PCDHGB4: variants seen among roughly 807,000 people sequenced by gnomAD.
PCDHGB4 encodes the protein protocadherin gamma-B4.
A neutral mutation model predicts 60.5 loss-of-function variants in PCDHGB4; 38 were observed. That is an observed-to-expected ratio of 0.63 (90% CI 0.48 to 0.82). The LOEUF is 0.82. Among genes scored for constraint, PCDHGB4 ranks in the 40% least tolerant of loss-of-function variants. The pLI is 0.00. For missense variants in PCDHGB4, 1,109 were observed against 1,209.6 expected, an observed-to-expected ratio of 0.92 and a Z score of 1.23; for synonymous variants, 456 against 509.7, an observed-to-expected ratio of 0.89 and a Z score of 1.42.
chr5:141,491,800 C>G lies in PCDHGB4; in HGVS notation c.2398-3007C>G. The G allele has an allele frequency of 6.7e-7, 1 of 1,500,854 alleles. No individual in the cohort carries two copies. The highest frequency in any genetic ancestry group is 8.9e-7 in the Non-Finnish European group (1 of 1,125,316). 93.0% of individuals were successfully genotyped at this position (1,500,854 alleles called of 1,614,324 possible). A position where few individuals can be genotyped will look rare whatever the true frequency, so the allele number is the denominator to read the frequency against. ...GAACTTGCATCCACTCCTCTCCGGC[C>G]GGCTTGGTCGCTGGCTGCGCTCCAC... On this transcript the variant is annotated intron_variant, in intron 1 of 3. Transcript: ENST00000519479. The surrounding 1 kb of genome is among the most constrained non-coding windows in gnomAD (Gnocchi z 6.9).
chr5:141,419,659 C>T (rs930108720), intron 1 of PCDHGB4: 2 of 1,612,608 alleles, frequency 1.2e-6, no homozygotes, highest in East Asian at 4.5e-5. Flanking sequence ...ACTCGGGGCA[C>T]AATGCCTGGC....
chr5:141,478,660 T>C, intron 1 of PCDHGB4: 2 of 1,551,848 alleles, frequency 1.3e-6, no homozygotes, highest in Non-Finnish European at 1.7e-6. Flanking sequence ...TGGTGATGCA[T>C]TCACACTTTC....
In PCDHGB4 at chr5:141,487,519, T is replaced by C. The variant is rs1288070159; in HGVS notation, c.2398-7288T>C. The C allele has an allele frequency of 6.2e-7, 1 of 1,614,046 alleles. No individual in the cohort carries two copies. ...CCTTGGCTTCTGCACCCACTCGGAG[T>C]GATAGCTTCATGATGGTGAAGTCAC... On this transcript the variant is annotated intron_variant, in intron 1 of 3. Transcript: ENST00000519479. The surrounding 1 kb of genome is among the most constrained non-coding windows in gnomAD (Gnocchi z 5.0).
intron 1 of PCDHGB4, chr5:141,430,946 G>C: frequency 6.2e-7 from 1 of 1,609,494 alleles, no homozygotes. Context: ...CGCGGAGCGC[G>C]GAGTCCGCAT....
chr5:141,461,389 G>T (rs2099014363), intron 1 of PCDHGB4, among the ~76,000 whole-genome samples: 1 of 152,110 alleles, frequency 6.6e-6, no homozygotes. Context: ...CTGATGATTA[G>T]CGATGTTGAG....
Position 141,485,063 on chromosome 5 carries a change from A to C in PCDHGB4, c.2398-9744A>C. On this transcript the variant is annotated intron_variant, in intron 1 of 3. Transcript: ENST00000519479. This position sits in a 1 kb window ranked among gnomAD's most constrained non-coding sequence, Gnocchi z 5.7. ...CTTGCGGCGCCGGCCGAACCGCGCC[A>C]GAGCTGGCGCGGGGAAAGGGAGATA... is the stretch of plus-strand genomic sequence containing the variant. 2 of 874,986 alleles carry C rather than the reference A, an allele frequency of 2.3e-6. No individual in the cohort carries two copies. Among genetic ancestry groups the C allele is most frequent in the Non-Finnish European group, 3.6e-6 (2 of 551,278 alleles). 54.2% of individuals were successfully genotyped at this position (874,986 alleles called of 1,614,324 possible).
intron 1 of PCDHGB4, chr5:141,414,147 A>G: frequency 6.3e-7 from 1 of 1,599,090 alleles, no homozygotes; most frequent in Non-Finnish European, 8.5e-7. Flanking sequence ...TAGAAATACA[A>G]GCAGAAGATG....
intron 1 of PCDHGB4, chr5:141,398,760 C>T: frequency 6.2e-7 from 1 of 1,613,898 alleles, no homozygotes; most frequent in Non-Finnish European, 8.5e-7. Flanking sequence ...ATCGTTTAGT[C>T]CTGACTGCCT....
At chr5:141,454,850 C>T (rs1208208678) in intron 1 of PCDHGB4, among the ~76,000 whole-genome samples, 3 of 132,848 alleles carry the variant, frequency 2.3e-5, no homozygotes, top group Non-Finnish European at 4.6e-5. Flanking sequence ...CTCTGTCACC[C>T]AGGCTGGAGT....
rs200625256 is a variant in PCDHGB4 at position 141,477,009 on chromosome 5, A to G, written c.2398-17798A>G. 7.5e-5 allele frequency: 121 copies of G among 1,614,064 alleles called. No homozygotes were observed. Among genetic ancestry groups the G allele is most frequent in the Non-Finnish European group, 9.2e-5 (109 of 1,180,028 alleles). On this transcript the variant is annotated intron_variant, in intron 1 of 3. Transcript: ENST00000519479. This position sits in a 1 kb window ranked among gnomAD's most constrained non-coding sequence, Gnocchi z 4.9. The stretch of plus-strand genomic sequence containing the variant: ...GGCGTGCGGCAACTATTCGCCTTAG[A>G]CCTTGTAACCGGGATGCTGACAATC...
chr5:141,399,314 A>C (rs1309292354), intron 1 of PCDHGB4: 9 of 1,613,988 alleles, frequency 5.6e-6, no homozygotes, highest in Non-Finnish European at 1.7e-6. Context: ...TCATCCAAAA[A>C]TTCGTATAAG....
intron 1 of PCDHGB4, chr5:141,403,631 C>A (rs751580878): frequency 2.5e-6 from 4 of 1,613,912 alleles, no homozygotes; most frequent in Non-Finnish European, 2.5e-6. Flanking sequence ...CAGCACAGTG[C>A]GCATCCATGT....
In PCDHGB4 at chr5:141,388,018, C is replaced by A. The variant is rs528825785; in HGVS notation, c.134C>A (p.Ser45Tyr). ...YRIPEEMPKG[S>Y]VVGNLATDLG... Reference sequence around the variant, plus strand: ...ATTCCCGAGGAAATGCCCAAGGGCTCCGTAGTGGGGAACCTCGCCACGGAC... The same window carrying A: ...ATTCCCGAGGAAATGCCCAAGGGCTACGTAGTGGGGAACCTCGCCACGGAC... Residue 45 changes from serine to tyrosine, a missense_variant, in exon 1 of 4, where the codon TCC (serine) becomes TAC (tyrosine). Around this residue, in one of 2 missense-constraint regions of PCDHGB4, gnomAD observed 41 missense variants for 119.7 expected, o/e 0.34. Coordinates refer to ENST00000519479, the MANE Select transcript of PCDHGB4 (RefSeq NM_003736.4). The A allele has an allele frequency of 1.4e-6, 2 of 1,460,562 alleles. No individual in the cohort carries two copies. The highest frequency in any genetic ancestry group is 2.9e-5 in the African/African-American group (2 of 69,974). The allele number at this position is 1,460,562 out of a possible 1,614,324, so 90.5% of individuals were successfully genotyped here.
In PCDHGB4 at chr5:141,432,296, G is replaced by T; in HGVS notation, c.2397+42015G>T. On this transcript the variant is annotated intron_variant, in intron 1 of 3. Coordinates refer to ENST00000519479, the MANE Select transcript of PCDHGB4 (RefSeq NM_003736.4). This position sits in a 1 kb window ranked among gnomAD's most constrained non-coding sequence, Gnocchi z 6.0. ...CGTGTCCATCAACTCCGACACTGGG[G>T]TACTGTATGCGCTGAGCTCCTTCGA... 1 of 1,614,224 alleles carries T rather than the reference G, an allele frequency of 6.2e-7. No individual in the cohort carries two copies. Among genetic ancestry groups the T allele is most frequent in the Non-Finnish European group, 8.5e-7 (1 of 1,180,044 alleles).
chr5:141,509,081 A>C (rs1279221589), intron 3 of PCDHGB4, among the ~76,000 whole-genome samples: 2 of 152,160 alleles, frequency 1.3e-5, no homozygotes, highest in Non-Finnish European at 2.9e-5. Flanking sequence ...GATTTGCGAC[A>C]TGAAATGGGG....
Position 141,388,254 on chromosome 5 carries a change from G to A in PCDHGB4, c.370G>A (p.Glu124Lys). The change falls in exon 1 of 4, where the codon GAG (glutamate) becomes AAG (lysine). Residue 124 changes from glutamate (E) to lysine (K), a missense_variant. Coordinates refer to ENST00000519479, the MANE Select transcript of PCDHGB4 (RefSeq NM_003736.4). Reference sequence around the variant, plus strand: ...CTTTTATCACGTGAATGTGGAGATCGAGGACATTAATGACCACACGCCAAA... The same window carrying A: ...CTTTTATCACGTGAATGTGGAGATCAAGGACATTAATGACCACACGCCAAA... Reference protein sequence around the residue: ...LNFYHVNVEIEDINDHTPKFT... With the variant: ...LNFYHVNVEIKDINDHTPKFT... 1.3e-6 allele frequency: 2 copies of A among 1,568,962 alleles called. No homozygotes were observed. Among genetic ancestry groups the A allele is most frequent in the South Asian group, 1.1e-5 (1 of 88,800 alleles).
chr5:141,399,387 CACAG>C, intron 1 of PCDHGB4: 4 of 1,614,028 alleles, frequency 2.5e-6, no homozygotes, highest in Non-Finnish European at 2.5e-6. Context: ...CCATCACAGC[CACAG>C]ACAGGGGCAA....
At chr5:141,445,178 A>G (rs768321514) in intron 1 of PCDHGB4, among the ~76,000 whole-genome samples, 2 of 152,218 alleles carry the variant, frequency 1.3e-5, no homozygotes, top group Admixed American at 1.3e-4. Context: ...ATGAAAAACT[A>G]TGTTTTTATG....
chr5:141,431,697 G>T lies in PCDHGB4; in HGVS notation c.2397+41416G>T, dbSNP rs1303639699. 6.2e-7 allele frequency: 1 copy of T among 1,614,206 alleles called. No homozygotes were observed. Among genetic ancestry groups the T allele is most frequent in the Admixed American group, 1.7e-5 (1 of 60,024 alleles). ...GGGGAGTTGGACCACGAGGAGTCAG[G>T]ATTCTACCAGATGGAAGTGCAAGCA... On this transcript the variant is annotated intron_variant, in intron 1 of 3. Transcript: ENST00000519479. This position sits in a 1 kb window ranked among gnomAD's most constrained non-coding sequence, Gnocchi z 4.8.
Sources: gnomAD v4.1 joint callset for allele counts (sites outside exome capture counted in the v4.1 genomes callset) on GRCh38, gnomAD v4.1.1 for gene constraint, gnomAD v4.1.1 regional missense constraint, Gnocchi (gnomAD v3.1) non-coding constraint, MANE v1.5 for transcripts, NCBI Gene and HGNC (gene_info 2026-07-23, HGNC 2026-07-21) for gene names.